TVP23C: variants seen among roughly 807,000 people sequenced by gnomAD.
TVP23C encodes Golgi apparatus membrane protein TVP23 homolog C.
Under a neutral mutation model 28.7 loss-of-function variants are expected in TVP23C, and 19 were observed. That is an observed-to-expected ratio of 0.66 (90% CI 0.46 to 0.97). The LOEUF is 0.97. Ranked by LOEUF, TVP23C falls within the 50% of genes least tolerant of loss-of-function variation. TVP23C has a pLI of 0.00. For synonymous variants in TVP23C, 68 were observed against 81.7 expected (o/e 0.83, Z 0.90); for missense variants, 186 against 241.3 (o/e 0.77, Z 1.52).
At chr17:15,503,352 C>A in intron 5 of TVP23C, 1 of 1,241,206 alleles carries the variant, frequency 8.1e-7, no homozygotes, top group Non-Finnish European at 1.1e-6. Context: ...CTGCAATGAG[C>A]TGTGACCACG....
At chr17:15,550,760 C>T (rs1983848951) in intron 3 of TVP23C, among the ~76,000 whole-genome samples, 1 of 152,048 alleles carries the variant, frequency 6.6e-6, no homozygotes, top group Admixed American at 6.6e-5. Context: ...TAATACAATG[C>T]CAAGTTTCTT....
chr17:15,517,894 C>T (rs1223984593), intron 5 of TVP23C, among the ~76,000 whole-genome samples: 4 of 152,134 alleles, frequency 2.6e-5, no homozygotes, highest in Non-Finnish European at 5.9e-5. Context: ...CAGCCAGATG[C>T]GGTGGCTCAC....
chr17:15,529,065 AAG>A, intron 5 of TVP23C, among the ~76,000 whole-genome samples: 1 of 152,258 alleles, frequency 6.6e-6, no homozygotes, highest in South Asian at 2.1e-4. Context: ...CTTTCTAAAT[AAG>A]AGTTATCATT....
chr17:15,508,446 A>G (rs1981861970), intron 5 of TVP23C, among the ~76,000 whole-genome samples: 1 of 152,232 alleles, frequency 6.6e-6, no homozygotes, highest in Non-Finnish European at 1.5e-5. Flanking sequence ...GGGCCAAGGT[A>G]GGCAGCATCC....
At position 15,537,481 on chromosome 17, in the gene TVP23C, T is replaced by C. The variant is rs1983203037; in HGVS notation, c.*2931A>G. The stretch of plus-strand genomic sequence containing the variant: ...AGCAATCTCTGGGTATTCCTTAAAC[T>C]ATGATGATTCCACTTATATTAACTG... On this transcript the variant is annotated 3_prime_UTR_variant, in exon 6 of 6. Coordinates refer to ENST00000518321, the MANE Select transcript of TVP23C (RefSeq NM_001135036.2). The C allele has an allele frequency of 1.0e-6, 1 of 985,140 alleles. No individual in the cohort carries two copies. Among genetic ancestry groups the C allele is most frequent in the Non-Finnish European group, 1.2e-6 (1 of 829,670 alleles). 61.0% of individuals were successfully genotyped at this position (985,140 alleles called of 1,614,324 possible). A position where few individuals can be genotyped will look rare whatever the true frequency, so the allele number is the denominator to read the frequency against.
At chr17:15,533,549 G>A (rs1294471957), downstream of TVP23C, among the ~76,000 whole-genome samples, 1 of 152,194 alleles carries the variant, frequency 6.6e-6, no homozygotes, top group African/African-American at 2.4e-5. Flanking sequence ...ATAAAATGGA[G>A]TTATAATCTA....
intron 1 of TVP23C, among the ~76,000 whole-genome samples, chr17:15,558,921 TG>T: frequency 6.9e-6 from 1 of 145,756 alleles, no homozygotes; most frequent in Non-Finnish European, 1.5e-5. Flanking sequence ...TGGAGTGCAG[TG>T]GAACAATCAG....
rs573719639 is a variant in TVP23C at position 15,559,480 on chromosome 17, G to A, written c.12+3957C>T. 4.8e-4 allele frequency among the ~76,000 whole-genome samples: 72 copies of A among 148,928 alleles called. 4 individuals are homozygous for A. The highest frequency in any genetic ancestry group is 7.2e-4 in the Non-Finnish European group (48 of 66,630). ...ATTTTAAGATGCTAAAACCAAAAAA[G>A]CATTGAAAGGGAGATCCATTGGAGT... is the stretch of plus-strand genomic sequence containing the variant. On this transcript the variant is annotated intron_variant, in intron 1 of 5. Coordinates refer to ENST00000518321, the MANE Select transcript of TVP23C (RefSeq NM_001135036.2).
intron 5 of TVP23C, among the ~76,000 whole-genome samples, chr17:15,505,241 CTA>C (rs1981671431): frequency 6.6e-6 from 1 of 152,172 alleles, no homozygotes; most frequent in African/African-American, 2.4e-5. Context: ...AATATCCAGA[CTA>C]TATGTCTTTC....
At chr17:15,522,167 A>C (rs549394813) in intron 5 of TVP23C, among the ~76,000 whole-genome samples, 28 of 152,342 alleles carry the variant, frequency 1.8e-4, no homozygotes, top group African/African-American at 6.5e-4. Flanking sequence ...ATACCAAAAA[A>C]ATCAATTTGA....
At chr17:15,562,635 A>G (rs1394938138) in intron 1 of TVP23C, 2 of 152,144 alleles carry the variant, frequency 1.3e-5, no homozygotes, top group South Asian at 4.1e-4. Flanking sequence ...CCTGACCATA[A>G]ATCTTAGTTG....
Position 15,537,553 on chromosome 17 carries a change from A to T in TVP23C, c.*2859T>A. The stretch of plus-strand genomic sequence containing the variant: ...TACAAACAAAAATAAAATTTTATAA[A>T]GTAGTTAATACCACTGGCCCTAATT... On this transcript the variant is annotated 3_prime_UTR_variant, in exon 6 of 6. Coordinates refer to ENST00000518321, the MANE Select transcript of TVP23C (RefSeq NM_001135036.2). The T allele has an allele frequency of 1.0e-6, 1 of 983,434 alleles. No homozygotes were observed. The highest frequency in any genetic ancestry group is 1.2e-6 in the Non-Finnish European group (1 of 828,070). The allele number at this position is 983,434 out of a possible 1,614,324, so 60.9% of individuals were successfully genotyped here. A position where few individuals can be genotyped will look rare whatever the true frequency, so the allele number is the denominator to read the frequency against.
intron 5 of TVP23C, chr17:15,507,105 T>C: frequency 9.7e-7 from 1 of 1,031,568 alleles, no homozygotes; most frequent in South Asian, 1.3e-5. Context: ...CGGGGAGAAA[T>C]TTGATGTCGA....
At chr17:15,529,434 AGAGT>A (rs1567636445) in intron 5 of TVP23C, among the ~76,000 whole-genome samples, 1 of 152,218 alleles carries the variant, frequency 6.6e-6, no homozygotes, top group African/African-American at 2.4e-5. Context: ...CCTGGGTGAT[AGAGT>A]GAGACTCTGT....
At chr17:15,503,152 A>C in exon 6 of TVP23C, 1 of 1,601,522 alleles carries the variant, frequency 6.2e-7, no homozygotes. Context: ...CTGTTATCCC[A>C]GCGCTTTGGA....
chr17:15,555,509 A>G, intron 1 of TVP23C, 145 bp from the exon 2 acceptor site: 1 of 1,333,918 alleles, frequency 7.5e-7, no homozygotes, highest in Non-Finnish European at 1.0e-6. Context: ...AAAAGGACAC[A>G]TGCAGATCCT....
chr17:15,537,414 C>T lies in TVP23C; in HGVS notation c.*2998G>A. On this transcript the variant is annotated 3_prime_UTR_variant, in exon 6 of 6. Transcript: ENST00000518321. ...TATTAGCTCAAGGTCCACTGAAGAACTTTCAATCTAGCTATCCTTTCTGTA... is the reference window on the plus strand; with the variant it reads ...TATTAGCTCAAGGTCCACTGAAGAATTTTCAATCTAGCTATCCTTTCTGTA... 1.0e-6 allele frequency: 1 copy of T among 985,324 alleles called. No homozygotes were observed. The highest frequency in any genetic ancestry group is 1.2e-6 in the Non-Finnish European group (1 of 829,852). 61.0% of individuals were successfully genotyped at this position (985,324 alleles called of 1,614,324 possible). A position where few individuals can be genotyped will look rare whatever the true frequency, so the allele number is the denominator to read the frequency against.
chr17:15,537,823 T>C lies in TVP23C; in HGVS notation c.*2589A>G. On this transcript the variant is annotated 3_prime_UTR_variant, in exon 6 of 6. Coordinates refer to ENST00000518321, the MANE Select transcript of TVP23C (RefSeq NM_001135036.2). Reference sequence around the variant, plus strand: ...CTCCATTATCTGTGTAAATGAACACTTTCATTAACTTGGGATATACAGGTA... The same window carrying C: ...CTCCATTATCTGTGTAAATGAACACCTTCATTAACTTGGGATATACAGGTA... The C allele has an allele frequency of 8.4e-7, 1 of 1,188,488 alleles. No individual in the cohort carries two copies. The highest frequency in any genetic ancestry group is 1.0e-6 in the Non-Finnish European group (1 of 959,604). 73.6% of individuals were successfully genotyped at this position (1,188,488 alleles called of 1,614,324 possible). A position where few individuals can be genotyped will look rare whatever the true frequency, so the allele number is the denominator to read the frequency against.
At chr17:15,547,803 A>C (rs1391268184) in intron 3 of TVP23C, among the ~76,000 whole-genome samples, 1 of 152,230 alleles carries the variant, frequency 6.6e-6, no homozygotes, top group African/African-American at 2.4e-5. Flanking sequence ...ATGCTTGAAG[A>C]GTATAACAGG....
Sources: allele counts gnomAD v4.1 joint callset (sites outside exome capture counted in the v4.1 genomes callset), GRCh38; gene constraint gnomAD v4.1.1; transcripts MANE v1.5; gene names NCBI Gene and HGNC (gene_info 2026-07-23, HGNC 2026-07-21).